The following ARL15 variants were observed in gnomAD, a reference collection of about 807,000 sequenced individuals.
ARL15 encodes the protein ARF like GTPase 15, also known as ADP-ribosylation factor-like protein 15.
A neutral mutation model predicts 25.2 loss-of-function variants in ARL15; 19 were observed. That is an observed-to-expected ratio of 0.75 (90% CI 0.53 to 1.10). The LOEUF is 1.10. ARL15 is among the 50% of genes least tolerant of loss of function. ARL15 has a pLI of 0.00. For missense variants in ARL15, 220 were observed against 246.0 expected, an observed-to-expected ratio of 0.89 and a Z score of 0.71; for synonymous variants, 94 against 86.8, an observed-to-expected ratio of 1.08 and a Z score of -0.46.
chr5:53,992,823 G>A (rs1046692875), intron 4 of ARL15, among the ~76,000 whole-genome samples: 2 of 152,182 alleles, frequency 1.3e-5, no homozygotes, highest in African/African-American at 4.8e-5. Flanking sequence ...CACTTTGGGA[G>A]GCCGAGGTGG....
chr5:54,032,981 G>A (rs1401672549), intron 4 of ARL15, among the ~76,000 whole-genome samples: 1 of 151,148 alleles, frequency 6.6e-6, no homozygotes, highest in Non-Finnish European at 1.5e-5. Flanking sequence ...ACATATATAA[G>A]TATTTTTCAT....
intron 1 of ARL15, among the ~76,000 whole-genome samples, chr5:54,239,676 G>A (rs1159888226): frequency 6.6e-6 from 1 of 152,054 alleles, no homozygotes; most frequent in East Asian, 1.9e-4. Flanking sequence ...TAAAAAATGG[G>A]GGCATATTTT....
chr5:54,069,095 T>C (rs1751335706), intron 4 of ARL15, among the ~76,000 whole-genome samples: 1 of 152,182 alleles, frequency 6.6e-6, no homozygotes, highest in South Asian at 2.1e-4. Context: ...TGAAAATATA[T>C]TTTTTTAAAT....
chr5:54,246,538 G>A (rs1239186784), intron 1 of ARL15, among the ~76,000 whole-genome samples: 1 of 151,818 alleles, frequency 6.6e-6, no homozygotes, highest in Non-Finnish European at 1.5e-5. Flanking sequence ...AGCACCTCAT[G>A]CCCACCACCA....
chr5:54,132,054 G>A lies in ARL15; in HGVS notation c.254-18644C>T, dbSNP rs553337512. On this transcript the variant is annotated intron_variant, in intron 3 of 4. Coordinates refer to ENST00000504924, the MANE Select transcript of ARL15 (RefSeq NM_019087.3). ...AACTAATAATAACATGGTTCCATAA[G>A]GTGATAAGAAACAAAATTTAAATGT... Among the ~76,000 whole-genome samples, 3 of 152,102 alleles carry A rather than the reference G, an allele frequency of 2.0e-5. No individual in the cohort carries two copies. The South Asian group carries it at 6.2e-4, about 32-fold the overall frequency.
chr5:54,094,169 T>A (rs550277126), intron 4 of ARL15, among the ~76,000 whole-genome samples: 1 of 152,314 alleles, frequency 6.6e-6, no homozygotes, highest in East Asian at 1.9e-4. Context: ...TTCATTTTGA[T>A]ACTCACCAAA....
intron 4 of ARL15, among the ~76,000 whole-genome samples, chr5:54,066,436 G>C (rs58683108): frequency 4.6e-5 from 7 of 152,016 alleles, no homozygotes; most frequent in Non-Finnish European, 1.0e-4. Flanking sequence ...ATGTTATATA[G>C]CATGAACAAT....
chr5:53,946,084 C>T (rs1368083240), intron 4 of ARL15, among the ~76,000 whole-genome samples: 1 of 152,196 alleles, frequency 6.6e-6, no homozygotes. Context: ...GATCATATCA[C>T]TATGGTTTAT....
At chr5:53,948,944 T>A (rs1051236939) in intron 4 of ARL15, among the ~76,000 whole-genome samples, 10 of 152,136 alleles carry the variant, frequency 6.6e-5, no homozygotes, top group African/African-American at 2.4e-4. Context: ...GAACCGCAAA[T>A]CATTACCTTC....
intron 4 of ARL15, among the ~76,000 whole-genome samples, chr5:53,897,345 G>A (rs967742002): frequency 1.3e-5 from 2 of 152,186 alleles, no homozygotes; most frequent in Non-Finnish European, 2.9e-5. Flanking sequence ...CATGTAATAT[G>A]TGGTCTTTTG....
At chr5:54,038,306 T>C (rs1261490310) in intron 4 of ARL15, among the ~76,000 whole-genome samples, 1 of 152,134 alleles carries the variant, frequency 6.6e-6, no homozygotes, top group Non-Finnish European at 1.5e-5. Flanking sequence ...GCAGAGCAGA[T>C]GTAGTTAGTA....
At chr5:54,042,423 G>A (rs775911574) in intron 4 of ARL15, among the ~76,000 whole-genome samples, 20 of 152,316 alleles carry the variant, frequency 1.3e-4, no homozygotes, top group Non-Finnish European at 2.6e-4. Flanking sequence ...AAATTTGGAA[G>A]GCAGTGAAAT....
chr5:54,219,365 G>A (rs952901946), intron 1 of ARL15, among the ~76,000 whole-genome samples: 2 of 151,746 alleles, frequency 1.3e-5, no homozygotes, highest in African/African-American at 2.4e-5. Flanking sequence ...CAGGGTGGAA[G>A]AAAAAAAAGA....
At chr5:54,188,216 T>C (rs1755292256) in intron 1 of ARL15, among the ~76,000 whole-genome samples, 1 of 152,158 alleles carries the variant, frequency 6.6e-6, no homozygotes, top group South Asian at 2.1e-4. Context: ...CAAACTCAGC[T>C]TTCCCAAAAG....
intron 4 of ARL15, among the ~76,000 whole-genome samples, chr5:54,021,948 C>T (rs1428268743): frequency 2.0e-5 from 3 of 152,160 alleles, no homozygotes; most frequent in African/African-American, 7.2e-5. Context: ...CAGCAGATTC[C>T]TCCCCAGAAA....
intron 1 of ARL15, among the ~76,000 whole-genome samples, chr5:54,191,152 T>C (rs1406311823): frequency 1.3e-5 from 2 of 152,204 alleles, no homozygotes; most frequent in Non-Finnish European, 2.9e-5. Context: ...TTGTGACATA[T>C]GTTACAGCAT....
intron 3 of ARL15, among the ~76,000 whole-genome samples, chr5:54,127,914 G>A (rs1753313061): frequency 6.6e-6 from 1 of 151,950 alleles, no homozygotes; most frequent in South Asian, 2.1e-4. Flanking sequence ...AACAAGCAAT[G>A]GGGAAAGGAT....
chr5:54,294,011 C>T (rs1758406980), intron 1 of ARL15, among the ~76,000 whole-genome samples: 1 of 152,088 alleles, frequency 6.6e-6, no homozygotes, highest in Admixed American at 6.5e-5. Flanking sequence ...ATTTTAGTTT[C>T]ACCATGTTGG....
chr5:54,122,431 G>A (rs1753108412), intron 3 of ARL15, among the ~76,000 whole-genome samples: 1 of 152,268 alleles, frequency 6.6e-6, no homozygotes, highest in Non-Finnish European at 1.5e-5. Flanking sequence ...GCACGTGCAT[G>A]CGTGCGCAAT....
Sources: allele counts gnomAD v4.1 joint callset (sites outside exome capture counted in the v4.1 genomes callset), GRCh38; gene constraint gnomAD v4.1.1; transcripts MANE v1.5; gene names NCBI Gene and HGNC (gene_info 2026-07-23, HGNC 2026-07-21).